The following XKR9 variants were observed in gnomAD, a reference collection of about 807,000 sequenced individuals.
XKR9 encodes XK related 9.
Under a neutral mutation model 32.0 loss-of-function variants are expected in XKR9, and 32 were observed. The ratio of observed to expected loss-of-function variants is 1.00; its 90% CI spans 0.76 to 1.34. The LOEUF (loss-of-function observed/expected upper bound fraction) is 1.34. Among genes scored for constraint, XKR9 ranks in the 40% most tolerant of loss-of-function variants. XKR9 has a pLI of 0.00. For missense variants in XKR9, 546 were observed against 429.7 expected, an observed-to-expected ratio of 1.27 and a Z score of -2.39; for synonymous variants, 168 against 143.4, an observed-to-expected ratio of 1.17 and a Z score of -1.22.
chr8:70,964,891 C>CA, the XKR9 span, among the ~76,000 whole-genome samples: 5 of 152,034 alleles, frequency 3.3e-5, no homozygotes, highest in East Asian at 1.9e-4. Context: ...ATGTTATCTG[C>CA]AAAAAAAGTT....
At chr8:71,025,295 C>T in the XKR9 span, among the ~76,000 whole-genome samples, 1 of 152,328 alleles carries the variant, frequency 6.6e-6, no homozygotes, top group African/African-American at 2.4e-5. Flanking sequence ...CCCTAGTTCA[C>T]TGGTGAATGC....
chr8:70,950,607 G>A, the XKR9 span, among the ~76,000 whole-genome samples: 14 of 152,062 alleles, frequency 9.2e-5, no homozygotes, highest in Admixed American at 9.2e-4. Flanking sequence ...CAGAGCAATG[G>A]GAGGCCATCC....
At chr8:70,743,262 C>A (rs1807013860) in intron 2 of XKR9, among the ~76,000 whole-genome samples, 1 of 151,910 alleles carries the variant, frequency 6.6e-6, no homozygotes, top group East Asian at 1.9e-4. Flanking sequence ...GTTTCTATTT[C>A]TTTGCTAAAA....
chr8:70,724,442 A>C (rs1422898638), intron 4 of XKR9, among the ~76,000 whole-genome samples: 2 of 151,716 alleles, frequency 1.3e-5, no homozygotes, highest in South Asian at 2.1e-4. Context: ...AAAAAAAAAA[A>C]AAAACTCCTG....
rs1475538229 is a variant in XKR9, at chr8:70,734,934, A to C, written c.*510A>C. 6.6e-6 allele frequency: 1 copy of C among 152,506 alleles called. No homozygotes were observed. The highest frequency in any genetic ancestry group is 1.9e-4 in the East Asian group (1 of 5,192). The allele number at this position is 152,506 out of a possible 1,614,324, so 9.4% of individuals were successfully genotyped here. On this transcript the variant is annotated 3_prime_UTR_variant, in exon 5 of 5. Coordinates refer to ENST00000408926, the MANE Select transcript of XKR9 (RefSeq NM_001011720.2). The stretch of plus-strand genomic sequence containing the variant: ...CTTTCATCCATGAAATCTCCAATTC[A>C]GTAAGTGCAAAAGAGAATTGGTGTG...
intron 2 of XKR9, among the ~76,000 whole-genome samples, chr8:70,767,912 GTC>G (rs1277686766): frequency 1.3e-5 from 2 of 152,038 alleles, no homozygotes; most frequent in Non-Finnish European, 2.9e-5. Flanking sequence ...GGTTTTTCAT[GTC>G]TCTCTCTCCT....
chr8:70,973,487 TC>T, the XKR9 span, among the ~76,000 whole-genome samples: 1 of 152,192 alleles, frequency 6.6e-6, no homozygotes, highest in African/African-American at 2.4e-5. Flanking sequence ...GTTATTTTTT[TC>T]TTCGGCTAGG....
chr8:71,056,080 C>T, the XKR9 span, among the ~76,000 whole-genome samples: 2 of 152,286 alleles, frequency 1.3e-5, no homozygotes, highest in Middle Eastern at 3.4e-3. Context: ...TTGTCAGACA[C>T]ACTGGCAAGA....
chr8:70,756,617 T>C (rs1322814761), intron 2 of XKR9, among the ~76,000 whole-genome samples: 1 of 152,222 alleles, frequency 6.6e-6, no homozygotes, highest in Non-Finnish European at 1.5e-5. Flanking sequence ...TCCTTTTTGA[T>C]GCTACTGTGA....
intron 4 of XKR9, among the ~76,000 whole-genome samples, chr8:70,722,840 C>A (rs1222055647): frequency 6.6e-6 from 1 of 151,962 alleles, no homozygotes; most frequent in Non-Finnish European, 1.5e-5. Flanking sequence ...GAATGTTGGC[C>A]TGTCTTGCTA....
At chr8:70,817,585 C>G in the XKR9 span, among the ~76,000 whole-genome samples, 9 of 152,192 alleles carry the variant, frequency 5.9e-5, no homozygotes, top group Non-Finnish European at 8.8e-5. Context: ...CTGTTCCTAT[C>G]AAACTACCAA....
At chr8:71,060,474 G>A in the XKR9 span, among the ~76,000 whole-genome samples, 2 of 152,126 alleles carry the variant, frequency 1.3e-5, no homozygotes, top group African/African-American at 2.4e-5. Context: ...GAAAGCATTC[G>A]CTGAACCAAC....
the XKR9 span, among the ~76,000 whole-genome samples, chr8:70,869,794 G>A: frequency 6.6e-6 from 1 of 152,284 alleles, no homozygotes; most frequent in African/African-American, 2.4e-5. Context: ...GTGGGTTAAA[G>A]TAGGTTTTAG....
At chr8:70,692,403 T>C (rs1563426014) in intron 3 of XKR9, among the ~76,000 whole-genome samples, 1 of 130,678 alleles carries the variant, frequency 7.7e-6, no homozygotes, top group Non-Finnish European at 1.8e-5. Context: ...TTGGATGCCC[T>C]TTGTTTTTTT....
At chr8:70,961,360 C>T in the XKR9 span, among the ~76,000 whole-genome samples, 2 of 152,038 alleles carry the variant, frequency 1.3e-5, no homozygotes, top group African/African-American at 4.8e-5. Flanking sequence ...TGAAGGTGAG[C>T]AAAGGCAGGT....
chr8:70,797,307 C>T, the XKR9 span, among the ~76,000 whole-genome samples: 1 of 152,142 alleles, frequency 6.6e-6, no homozygotes, highest in Non-Finnish European at 1.5e-5. Context: ...GGCACATGAA[C>T]AAGAAAAGCA....
chr8:70,771,333 G>T (rs1017275364), intron 2 of XKR9, among the ~76,000 whole-genome samples: 1 of 152,204 alleles, frequency 6.6e-6, no homozygotes, highest in African/African-American at 2.4e-5. Flanking sequence ...TCTGGGAGCT[G>T]CAGACTGGAG....
chr8:71,038,492 T>C, the XKR9 span, among the ~76,000 whole-genome samples: 1 of 151,706 alleles, frequency 6.6e-6, no homozygotes, highest in Non-Finnish European at 1.5e-5. Context: ...GGCTAATTTT[T>C]GTATTTTTAG....
At chr8:70,685,739 T>G (rs868530371) in intron 3 of XKR9, among the ~76,000 whole-genome samples, 8 of 52,658 alleles carry the variant, frequency 1.5e-4, no homozygotes, top group East Asian at 1.4e-3. Context: ...TGTTGTGGGG[T>G]GGGGGGAGGG....
Sources: gnomAD v4.1 joint callset for allele counts (sites outside exome capture counted in the v4.1 genomes callset) on GRCh38, gnomAD v4.1.1 for gene constraint, MANE v1.5 for transcripts, NCBI Gene and HGNC (gene_info 2026-07-23, HGNC 2026-07-21) for gene names.